STAB2: variants seen among roughly 807,000 people sequenced by gnomAD.
The protein encoded by STAB2 is stabilin 2.
Under a neutral mutation model 338.1 loss-of-function variants are expected in STAB2, and 288 were observed. The ratio of observed to expected loss-of-function variants is 0.85; its 90% CI spans 0.77 to 0.94. STAB2 has a LOEUF of 0.94. STAB2 is among the 40% of genes least tolerant of loss of function. The pLI is 0.00. For missense variants in STAB2, 3,141 were observed against 3,210.1 expected, an observed-to-expected ratio of 0.98 and a Z score of 0.52; for synonymous variants, 1,202 against 1,193.3, an observed-to-expected ratio of 1.01 and a Z score of -0.15.
At chr12:103,666,764 T>C (rs1875148723) in intron 19 of STAB2, among the ~76,000 whole-genome samples, 1 of 152,224 alleles carries the variant, frequency 6.6e-6, no homozygotes, top group African/African-American at 2.4e-5. Context: ...GTCCTAATAT[T>C]TGTTCTTCCC....
In STAB2 at chr12:103,594,461, C is replaced by T. The variant is rs1162511280; in HGVS notation, c.282C>T (p.Asp94=). 6.2e-7 allele frequency: 1 copy of T among 1,613,896 alleles called. No homozygotes were observed. The highest frequency in any genetic ancestry group is 8.5e-7 in the Non-Finnish European group (1 of 1,179,890). Residue 94 remains aspartate (D), a synonymous_variant, in exon 3 of 69, where the codon GAC becomes GAT. Coordinates refer to ENST00000388887, the MANE Select transcript of STAB2 (RefSeq NM_017564.10). ...GATGCCGCCATATTTGTAGGAAGGA[C>T]TATCTCCAACCTCGGTGTTGTCCTG... The part of the protein sequence containing the change: ...LPGCRHICRK[D]YLQPRCCPGR...
intron 28 of STAB2, among the ~76,000 whole-genome samples, chr12:103,688,597 C>G (rs563338379): frequency 1.8e-4 from 28 of 152,198 alleles, no homozygotes; most frequent in Non-Finnish European, 3.5e-4. Flanking sequence ...TAACTCTCAG[C>G]TCAACAAGAG....
intron 3 of STAB2, among the ~76,000 whole-genome samples, chr12:103,599,224 T>C (rs918270015): frequency 3.9e-5 from 6 of 152,220 alleles, no homozygotes; most frequent in Admixed American, 3.9e-4. Flanking sequence ...GAGAAGTCCC[T>C]GGTCTCTTGT....
rs776975405 is a variant in STAB2 at position 103,705,652 on chromosome 12, C to T, written c.3921C>T (p.Cys1307=). ...CACAGGGTAATGAGAAGAGGAGATG[C>T]ATCTATACCTCCTATTTCATGGGAA... ...TKSLGNEKRR[C]IYTSYFMGRR... The change falls in exon 37 of 69, where the codon TGC becomes TGT. Residue 1307 remains cysteine, a synonymous_variant. Transcript: ENST00000388887. 4.3e-6 allele frequency: 7 copies of T among 1,614,078 alleles called. No homozygotes were observed. Among genetic ancestry groups the T allele is most frequent in the Admixed American group, 1.7e-5 (1 of 60,018 alleles).
intron 59 of STAB2, 74 bp downstream of exon 59, chr12:103,749,230 A>G (rs973589513): frequency 2.8e-6 from 4 of 1,448,570 alleles, no homozygotes; most frequent in South Asian, 1.4e-5. Context: ...TCCACCTCCC[A>G]TACTCTGCTT....
chr12:103,757,198 C>G (rs960660618), intron 63 of STAB2, among the ~76,000 whole-genome samples: 25 of 151,674 alleles, frequency 1.6e-4, no homozygotes, highest in African/African-American at 6.1e-4. Flanking sequence ...AAGGGCTCCT[C>G]CCACCCCAGC....
chr12:103,651,053 T>G (rs1873705348), intron 11 of STAB2, among the ~76,000 whole-genome samples: 1 of 152,224 alleles, frequency 6.6e-6, no homozygotes, highest in African/African-American at 2.4e-5. Context: ...ATTTTAGTCT[T>G]CAGTGTGAGC....
intron 33 of STAB2, 66 bp from the exon 34 acceptor site, chr12:103,699,030 A>G: frequency 6.5e-7 from 1 of 1,549,322 alleles, no homozygotes; most frequent in Non-Finnish European, 8.8e-7. Flanking sequence ...GTGACAGCAC[A>G]TGGGAGAAGC....
At chr12:103,757,816 G>A in intron 63 of STAB2, 1 of 253,830 alleles carries the variant, frequency 3.9e-6, no homozygotes, top group Non-Finnish European at 7.9e-6. Flanking sequence ...CACATGCTTT[G>A]GGCCTCGTGA....
At chr12:103,621,587 C>G (rs1270640172) in intron 4 of STAB2, among the ~76,000 whole-genome samples, 1 of 152,108 alleles carries the variant, frequency 6.6e-6, no homozygotes, top group East Asian at 1.9e-4. Context: ...CAAAAATTAT[C>G]CGGGTGTGGT....
chr12:103,750,509 C>T, intron 59 of STAB2, 70 bp from the exon 60 acceptor site: 1 of 1,587,728 alleles, frequency 6.3e-7, no homozygotes, highest in Admixed American at 1.7e-5. Context: ...ACATTGGTCC[C>T]ATGGGCACTT....
In STAB2 at chr12:103,753,234, G is replaced by C; in HGVS notation, c.6595G>C (p.Val2199Leu). 1 of 1,614,176 alleles carries C rather than the reference G, an allele frequency of 6.2e-7. No homozygotes were observed. The highest frequency in any genetic ancestry group is 8.5e-7 in the Non-Finnish European group (1 of 1,180,022). The change falls in exon 61 of 69, where the codon GTG becomes CTG. Residue 2199 changes from valine to leucine, a missense_variant. Coordinates refer to ENST00000388887, the MANE Select transcript of STAB2 (RefSeq NM_017564.10). ...DLHFQDTTVG[V>L]FHLRSPLGQY... is the part of the protein sequence containing the mutation. ...TCCTCATCCAGATACCACTGTTGGGGTGTTCCATCTACGCTCCCCACTGGG... is the reference window on the plus strand; with the variant it reads ...TCCTCATCCAGATACCACTGTTGGGCTGTTCCATCTACGCTCCCCACTGGG...
At chr12:103,701,005 G>A (rs1355150487) in intron 34 of STAB2, among the ~76,000 whole-genome samples, 9 of 58,248 alleles carry the variant, frequency 1.5e-4, no homozygotes, top group African/African-American at 5.3e-4. Context: ...CCTCCCCCCT[G>A]CCCCCACCCC....
chr12:103,687,983 T>C (rs921835648), intron 27 of STAB2, among the ~76,000 whole-genome samples, 185 bp from the exon 28 acceptor site: 4 of 152,222 alleles, frequency 2.6e-5, no homozygotes, highest in African/African-American at 9.6e-5. Flanking sequence ...TCTGTCAGCA[T>C]GGAAATGCAG....
intron 6 of STAB2, among the ~76,000 whole-genome samples, chr12:103,634,954 G>C (rs942758425): frequency 6.6e-6 from 1 of 152,216 alleles, no homozygotes; most frequent in Non-Finnish European, 1.5e-5. Context: ...GACGTAAAGT[G>C]GGGTGGAAAA....
chr12:103,605,199 G>A lies in STAB2; in HGVS notation c.331+10689G>A, dbSNP rs139643147. ...AATATGTTTCTTTTATTCAGTGAAT[G>A]CAAATTAAGATATCAAATTTGTGAG... On this transcript the variant is annotated intron_variant, in intron 3 of 68. Coordinates refer to ENST00000388887, the MANE Select transcript of STAB2 (RefSeq NM_017564.10). Among the ~76,000 whole-genome samples the A allele has an allele frequency of 2.0e-3, 304 of 151,936 alleles. 2 individuals carry two copies. The highest frequency in any genetic ancestry group is 7.1e-3 in the African/African-American group (293 of 41,528).
At chr12:103,750,028 C>T (rs1470164634) in intron 59 of STAB2, among the ~76,000 whole-genome samples, 3 of 152,008 alleles carry the variant, frequency 2.0e-5, no homozygotes, top group Admixed American at 6.6e-5. Flanking sequence ...CTCTCTGAGC[C>T]CCAGTTTTCT....
chr12:103,729,990 G>T (rs1295268865), intron 48 of STAB2, 126 bp from the exon 49 acceptor site: 4 of 824,384 alleles, frequency 4.9e-6, no homozygotes, highest in Non-Finnish European at 7.2e-6. Context: ...ATACACTCAA[G>T]TATTAACTTG....
At chr12:103,591,434 G>A (rs139881207) in intron 2 of STAB2, among the ~76,000 whole-genome samples, 67 of 152,276 alleles carry the variant, frequency 4.4e-4, no homozygotes, top group African/African-American at 1.4e-3. Context: ...GCAGTGAGCC[G>A]AGATCAAGCC....
Sources: gnomAD v4.1 joint callset for allele counts (sites outside exome capture counted in the v4.1 genomes callset) on GRCh38, gnomAD v4.1.1 for gene constraint, MANE v1.5 for transcripts, NCBI Gene and HGNC (gene_info 2026-07-23, HGNC 2026-07-21) for gene names.